Variants in ALCAM observed in about 807,000 individuals in gnomAD.
ALCAM encodes activated leukocyte cell adhesion molecule, also known as CD166 antigen.
Under a neutral mutation model 70.9 loss-of-function variants are expected in ALCAM, and 30 were observed. The ratio of observed to expected loss-of-function variants is 0.42; its 90% CI spans 0.32 to 0.57. The LOEUF (loss-of-function observed/expected upper bound fraction) is 0.57. ALCAM is among the 20% of genes least tolerant of loss of function. The probability of loss-of-function intolerance (pLI) is 0.11; values close to 1 mark genes in which losing one functional copy is unlikely to be tolerated. For synonymous variants in ALCAM, 249 were observed against 242.5 expected, an observed-to-expected ratio of 1.03 and a Z score of -0.25; for missense variants, 591 against 695.1, an observed-to-expected ratio of 0.85 and a Z score of 1.68.
intron 1 of ALCAM, among the ~76,000 whole-genome samples, chr3:105,436,421 C>T (rs1937050594): frequency 6.6e-6 from 1 of 152,094 alleles, no homozygotes. Context: ...TGGCTCACCA[C>T]AAGCTCTGCC....
At chr3:105,556,490 T>A (rs1940520353) in intron 14 of ALCAM, among the ~76,000 whole-genome samples, 1 of 151,964 alleles carries the variant, frequency 6.6e-6, no homozygotes, top group African/African-American at 2.4e-5. Context: ...AATCTAAAAG[T>A]CAGAAATACC....
chr3:105,471,867 C>T (rs1000205099), intron 1 of ALCAM, among the ~76,000 whole-genome samples: 4 of 151,222 alleles, frequency 2.6e-5, no homozygotes, highest in Non-Finnish European at 4.4e-5. Flanking sequence ...CGCTAGTCCC[C>T]ATGCTGTACA....
intron 4 of ALCAM, among the ~76,000 whole-genome samples, chr3:105,532,712 C>T (rs976591575): frequency 2.0e-5 from 3 of 152,010 alleles, no homozygotes; most frequent in Non-Finnish European, 4.4e-5. Context: ...TGAAAGAGAA[C>T]GGTGTGTTTG....
At chr3:105,476,001 G>A (rs954585594) in intron 1 of ALCAM, among the ~76,000 whole-genome samples, 3 of 151,808 alleles carry the variant, frequency 2.0e-5, no homozygotes, top group African/African-American at 7.3e-5. Context: ...CCTTTCTCCT[G>A]AGGGTCTAAT....
chr3:105,460,629 A>G (rs1398020989), intron 1 of ALCAM, among the ~76,000 whole-genome samples: 1 of 151,972 alleles, frequency 6.6e-6, no homozygotes, highest in Admixed American at 6.6e-5. Flanking sequence ...TCAAGTGAAG[A>G]TTCTGAGGGC....
intron 1 of ALCAM, among the ~76,000 whole-genome samples, chr3:105,442,305 T>A (rs1228574835): frequency 6.6e-6 from 1 of 152,204 alleles, no homozygotes; most frequent in Non-Finnish European, 1.5e-5. Flanking sequence ...AATGAACTAT[T>A]ATTTTCAAAA....
chr3:105,369,514 C>T (rs534350138), intron 1 of ALCAM, among the ~76,000 whole-genome samples: 23 of 152,292 alleles, frequency 1.5e-4, no homozygotes, highest in African/African-American at 5.5e-4. Context: ...ATTGCAGTAT[C>T]AGTGTGTTTT....
intron 3 of ALCAM, among the ~76,000 whole-genome samples, chr3:105,529,123 A>C (rs1416839900): frequency 6.6e-6 from 1 of 152,212 alleles, no homozygotes; most frequent in East Asian, 1.9e-4. Context: ...CTATTATAAT[A>C]TAGCTTCTAA....
chr3:105,493,716 G>A (rs1342310069), intron 1 of ALCAM, among the ~76,000 whole-genome samples: 1 of 152,152 alleles, frequency 6.6e-6, no homozygotes, highest in African/African-American at 2.4e-5. Context: ...CTTGATTTTA[G>A]CCCAGTGAGC....
chr3:105,474,421 T>G (rs1175473981), intron 1 of ALCAM, among the ~76,000 whole-genome samples: 1 of 151,766 alleles, frequency 6.6e-6, no homozygotes, highest in Admixed American at 6.6e-5. Flanking sequence ...GAATATATTT[T>G]TTCTGGTTGC....
intron 1 of ALCAM, among the ~76,000 whole-genome samples, chr3:105,458,368 G>C (rs1396332890): frequency 1.3e-5 from 2 of 152,100 alleles, no homozygotes; most frequent in African/African-American, 2.4e-5. Flanking sequence ...ATTGACTTTT[G>C]TAAGGTACGC....
At chr3:105,453,071 G>A (rs1241107939) in intron 1 of ALCAM, among the ~76,000 whole-genome samples, 2 of 152,120 alleles carry the variant, frequency 1.3e-5, no homozygotes, top group Non-Finnish European at 2.9e-5. Flanking sequence ...AAGCTCTTTA[G>A]TTTAATTAGA....
chr3:105,393,031 G>C (rs972927840), intron 1 of ALCAM, among the ~76,000 whole-genome samples: 92 of 151,594 alleles, frequency 6.1e-4, no homozygotes, highest in African/African-American at 2.2e-3. Context: ...TAGGAATTTT[G>C]GTTATAGTTC....
intron 1 of ALCAM, among the ~76,000 whole-genome samples, chr3:105,512,000 C>CA (rs1179334455): frequency 3.9e-5 from 6 of 151,910 alleles, no homozygotes; most frequent in African/African-American, 1.4e-4. Context: ...AAAGCTAAAG[C>CA]AATACAGTTC....
At chr3:105,434,235 T>C (rs1014655352) in intron 1 of ALCAM, among the ~76,000 whole-genome samples, 1 of 152,156 alleles carries the variant, frequency 6.6e-6, no homozygotes, top group African/African-American at 2.4e-5. Flanking sequence ...AAGCACTCTT[T>C]ATTTGTCACA....
intron 12 of ALCAM, among the ~76,000 whole-genome samples, chr3:105,551,127 G>A (rs1474377586): frequency 2.0e-5 from 3 of 151,528 alleles, no homozygotes; most frequent in Non-Finnish European, 4.4e-5. Context: ...CAAGAGCTAG[G>A]AGAAAATAAT....
chr3:105,527,551 T>G (rs1325194216), intron 3 of ALCAM, among the ~76,000 whole-genome samples: 1 of 151,952 alleles, frequency 6.6e-6, no homozygotes, highest in Non-Finnish European at 1.5e-5. Flanking sequence ...TAGTGAGGCT[T>G]CAGTCTATTT....
intron 1 of ALCAM, among the ~76,000 whole-genome samples, chr3:105,476,904 G>A (rs1938131679): frequency 1.3e-5 from 2 of 152,010 alleles, no homozygotes; most frequent in Admixed American, 1.3e-4. Context: ...GTCAGGGGGA[G>A]GTAATTGAAT....
At chr3:105,489,500 A>C (rs973213813) in intron 1 of ALCAM, among the ~76,000 whole-genome samples, 1 of 152,206 alleles carries the variant, frequency 6.6e-6, no homozygotes, top group Non-Finnish European at 1.5e-5. Context: ...ACAGGACAAT[A>C]GTTATGATCA....
Sources: allele counts gnomAD v4.1 joint callset (sites outside exome capture counted in the v4.1 genomes callset), GRCh38; gene constraint gnomAD v4.1.1; transcripts MANE v1.5; gene names NCBI Gene and HGNC (gene_info 2026-07-23, HGNC 2026-07-21).